The following VMP1 variants were observed in gnomAD, a reference collection of about 807,000 sequenced individuals.
VMP1 encodes the protein vacuole membrane protein 1.
Under a neutral mutation model 56.0 loss-of-function variants are expected in VMP1, and 11 were observed. That is an observed-to-expected ratio of 0.20 (90% CI 0.12 to 0.32). The LOEUF (loss-of-function observed/expected upper bound fraction) is 0.32. VMP1 is among the 10% of genes least tolerant of loss of function. VMP1 has a pLI of 1.00. For missense variants in VMP1, 296 were observed against 490.3 expected, an observed-to-expected ratio of 0.60 and a Z score of 3.74; for synonymous variants, 149 against 165.0, an observed-to-expected ratio of 0.90 and a Z score of 0.74.
At chr17:59,837,202 CA>C (rs962358956) in intron 10 of VMP1, among the ~76,000 whole-genome samples, 74 of 133,732 alleles carry the variant, frequency 5.5e-4, no homozygotes, top group East Asian at 6.4e-4. Context: ...GACTCTGTCT[CA>C]AAAAAAAAAA....
At chr17:59,757,495 A>G (rs1006403831) in intron 5 of VMP1, among the ~76,000 whole-genome samples, 2 of 152,170 alleles carry the variant, frequency 1.3e-5, no homozygotes, top group Non-Finnish European at 1.5e-5. Flanking sequence ...TGGAAATGTA[A>G]CTTTTTAAAC....
At chr17:59,750,799 A>C (rs974038234) in intron 5 of VMP1, among the ~76,000 whole-genome samples, 3 of 152,018 alleles carry the variant, frequency 2.0e-5, no homozygotes, top group African/African-American at 7.2e-5. Flanking sequence ...TTTGATATCT[A>C]CCTTGAACAA....
chr17:59,764,183 A>G (rs2036154071), intron 5 of VMP1, among the ~76,000 whole-genome samples: 1 of 152,224 alleles, frequency 6.6e-6, no homozygotes, highest in South Asian at 2.1e-4. Flanking sequence ...CTAAAAGAAC[A>G]GTGGCTCAGG....
At chr17:59,801,031 G>T (rs187147792) in intron 7 of VMP1, among the ~76,000 whole-genome samples, 13 of 146,466 alleles carry the variant, frequency 8.9e-5, no homozygotes, top group African/African-American at 3.3e-4. Context: ...AGTGAGCCAA[G>T]ATCGTGCCAT....
rs545166111 is a variant in VMP1 at position 59,815,269 on chromosome 17, T to A, written c.913-2443T>A. On this transcript the variant is annotated intron_variant, in intron 9 of 11. Coordinates refer to ENST00000262291, the MANE Select transcript of VMP1 (RefSeq NM_030938.5). ...GAGAAGAGTATCTTTTTAGAAAAAA[T>A]TTTTTAAGAAGTAGTATCCTTAGAG... Among the ~76,000 whole-genome samples the A allele has an allele frequency of 2.6e-4, 40 of 152,172 alleles. 1 individual carries two copies. The South Asian group carries it at 4.4e-3, about 17-fold the overall frequency.
intron 1 of VMP1, among the ~76,000 whole-genome samples, chr17:59,710,887 A>G (rs573836658): frequency 6.6e-6 from 1 of 152,310 alleles, no homozygotes; most frequent in South Asian, 2.1e-4. Flanking sequence ...CCTGTCTAAC[A>G]TGGTGAAACC....
chr17:59,752,918 CT>C (rs2035706236), intron 5 of VMP1, among the ~76,000 whole-genome samples: 1 of 152,120 alleles, frequency 6.6e-6, no homozygotes, highest in Non-Finnish European at 1.5e-5. Context: ...ATTTTGTTAT[CT>C]GTATGTATAC....
rs780826843 is a variant in VMP1 at position 59,811,720 on chromosome 17, G to A, written c.846G>A (p.Leu282=). The change falls in exon 9 of 12, where the codon CTG becomes CTA. Residue 282 remains leucine (L), a synonymous_variant. Coordinates refer to ENST00000262291, the MANE Select transcript of VMP1 (RefSeq NM_030938.5). ...CTGGAATAACGTGTGGACACTTTCT[G>A]GTACCTTTTTGGACCTTCTTTGGTG... ...DLAGITCGHF[L]VPFWTFFGAT... 1 of 1,613,770 alleles carries A rather than the reference G, an allele frequency of 6.2e-7. No homozygotes were observed. Among genetic ancestry groups the A allele is most frequent in the East Asian group, 2.2e-5 (1 of 44,836 alleles).
Position 59,828,967 on chromosome 17 carries a change from C to T in VMP1, c.975-9328C>T, listed in dbSNP as rs143189456. ...CCTGTCTCTACTAAAAATACAAAAA[C>T]TAGCAGGGTGTAGTGGTGCCTACCT... On this transcript the variant is annotated intron_variant, in intron 10 of 11. Coordinates refer to ENST00000262291, the MANE Select transcript of VMP1 (RefSeq NM_030938.5). Among the ~76,000 whole-genome samples the T allele has an allele frequency of 2.4e-3, 368 of 152,074 alleles. 2 individuals are homozygous for T. Among genetic ancestry groups the T allele is most frequent in the African/African-American group, 8.4e-3 (348 of 41,478 alleles).
intron 10 of VMP1, among the ~76,000 whole-genome samples, chr17:59,823,980 C>G (rs1036766243): frequency 6.6e-6 from 1 of 152,098 alleles, no homozygotes; most frequent in African/African-American, 2.4e-5. Flanking sequence ...AAATGAATCC[C>G]GGGCCGGGCG....
chr17:59,753,013 G>A (rs1307698695), intron 5 of VMP1, among the ~76,000 whole-genome samples: 2 of 152,176 alleles, frequency 1.3e-5, no homozygotes, highest in Non-Finnish European at 2.9e-5. Context: ...GCTCGCACCT[G>A]TATTCCCAGC....
At chr17:59,779,169 C>T (rs191886298) in intron 7 of VMP1, among the ~76,000 whole-genome samples, 81 of 152,330 alleles carry the variant, frequency 5.3e-4, no homozygotes, top group African/African-American at 1.9e-3. Flanking sequence ...CTGTATCAGC[C>T]TTGCTGCTGA....
intron 7 of VMP1, among the ~76,000 whole-genome samples, chr17:59,796,805 C>T (rs1215115302): frequency 6.6e-6 from 1 of 152,018 alleles, no homozygotes; most frequent in Non-Finnish European, 1.5e-5. Context: ...TTTCAATTGA[C>T]AGTTATTATC....
chr17:59,832,412 ACTT>A (rs2038840636), intron 10 of VMP1, among the ~76,000 whole-genome samples: 1 of 151,114 alleles, frequency 6.6e-6, no homozygotes, highest in Non-Finnish European at 1.5e-5. Flanking sequence ...TGCCCAACCT[ACTT>A]CTTTTTTTGT....
intron 1 of VMP1, among the ~76,000 whole-genome samples, chr17:59,717,826 A>T (rs1183564510): frequency 6.6e-6 from 1 of 152,134 alleles, no homozygotes; most frequent in Non-Finnish European, 1.5e-5. Flanking sequence ...AGGCTGAAAC[A>T]GGAGAATTAC....
At chr17:59,719,624 CAG>C (rs1285552263) in intron 1 of VMP1, among the ~76,000 whole-genome samples, 1 of 152,082 alleles carries the variant, frequency 6.6e-6, no homozygotes, top group Non-Finnish European at 1.5e-5. Context: ...TTATGTTACT[CAG>C]GGAGATGCTT....
At chr17:59,829,813 C>A (rs1353798591) in intron 10 of VMP1, among the ~76,000 whole-genome samples, 1 of 152,020 alleles carries the variant, frequency 6.6e-6, no homozygotes, top group Non-Finnish European at 1.5e-5. Flanking sequence ...TAATTTCATT[C>A]CTGAAAGTGT....
At position 59,773,804 on chromosome 17, in the gene VMP1, A is replaced by G. The variant is rs776199218; in HGVS notation, c.633A>G (p.Ala211=). The G allele has an allele frequency of 3.1e-5, 50 of 1,613,718 alleles. No individual in the cohort carries two copies. Among genetic ancestry groups the G allele is most frequent in the Non-Finnish European group, 4.2e-5 (49 of 1,179,920 alleles). ...GELPPYFMAR[A]ARLSGAEPDD... is the part of the protein sequence containing the mutation. The stretch of plus-strand genomic sequence containing the variant: ...TGCCTCCATATTTCATGGCCAGAGC[A>G]GCTCGCCTCTCAGGTGCTGAACCAG... The change falls in exon 7 of 12, where the codon GCA becomes GCG. Residue 211 remains alanine, a synonymous_variant. Coordinates refer to ENST00000262291, the MANE Select transcript of VMP1 (RefSeq NM_030938.5).
chr17:59,826,712 A>T (rs1049934533), intron 10 of VMP1, among the ~76,000 whole-genome samples: 2 of 152,230 alleles, frequency 1.3e-5, no homozygotes, highest in Non-Finnish European at 2.9e-5. Flanking sequence ...TATAAATGAT[A>T]AGAGATGATT....
Sources: allele counts gnomAD v4.1 joint callset (sites outside exome capture counted in the v4.1 genomes callset), GRCh38; gene constraint gnomAD v4.1.1; transcripts MANE v1.5; gene names NCBI Gene and HGNC (gene_info 2026-07-23, HGNC 2026-07-21).